The following CREBRF variants were observed in gnomAD, a reference collection of about 807,000 sequenced individuals.
CREBRF encodes the protein CREB3 regulatory factor, also known as UPF0474 protein C5orf41.
In CREBRF, 5 loss-of-function variants were observed where a neutral mutation model predicts 66.1. The ratio of observed to expected loss-of-function variants is 0.08; its 90% confidence interval spans 0.04 to 0.16. The LOEUF is 0.16. CREBRF is among the 10% of genes least tolerant of loss of function. The pLI is 1.00. For synonymous variants in CREBRF, 229 were observed against 264.4 expected (o/e 0.87, Z 1.30); for missense variants, 531 against 744.9 (o/e 0.71, Z 3.34).
chr5:173,085,577 C>T (rs563378320), intron 2 of CREBRF: 23 of 538,262 alleles, frequency 4.3e-5, no homozygotes, highest in South Asian at 2.3e-4. Flanking sequence ...CCAGCACGCC[C>T]GGCTAATTTT....
Position 173,123,213 on chromosome 5 carries a change from T to C in CREBRF, c.1804+11T>C. 6.3e-7 allele frequency: 1 copy of C among 1,591,856 alleles called. No homozygotes were observed. ...TTAAAGATACTCTCGGTAAGAAGAA[T>C]GCGAGATAAATTCATAACAATTAAT... On this transcript the variant is annotated intron_variant, in intron 8 of 8. Coordinates refer to ENST00000296953, the MANE Select transcript of CREBRF (RefSeq NM_153607.3).
rs542242009 is a variant in CREBRF at position 173,096,227 on chromosome 5, T to C, written c.1222+4826T>C. Among the ~76,000 whole-genome samples, 86 of 152,206 alleles carry C rather than the reference T, an allele frequency of 5.7e-4. 1 individual carries two copies. Among genetic ancestry groups the C allele is most frequent in the African/African-American group, 1.7e-3 (71 of 41,554 alleles). On this transcript the variant is annotated intron_variant, in intron 4 of 8. Coordinates refer to ENST00000296953, the MANE Select transcript of CREBRF (RefSeq NM_153607.3). ...CTTGTGATCCGCCCGCCTTGGCCTC[T>C]CAAAGTGCTGGGATTACAGGCGTGA...
chr5:173,091,624 A>T, intron 4 of CREBRF: 1 of 1,230,250 alleles, frequency 8.1e-7, no homozygotes, highest in Middle Eastern at 3.2e-4. Flanking sequence ...TTGAGGGCTT[A>T]TTTTTTATTA....
rs1162160562 is a variant in CREBRF, at chr5:173,135,141, T to C, written c.*1396T>C. 6.6e-6 allele frequency: 1 copy of C among 152,542 alleles called. No individual in the cohort carries two copies. The highest frequency in any genetic ancestry group is 1.5e-5 in the Non-Finnish European group (1 of 67,908). The allele number at this position is 152,542 out of a possible 1,614,324, so 9.4% of individuals were successfully genotyped here. The stretch of plus-strand genomic sequence containing the variant: ...AATTCTTTAGTTGCCACTTTTCCGA[T>C]TGATGTATTATTGTGCATGTAATAT... On this transcript the variant is annotated 3_prime_UTR_variant, in exon 9 of 9. Transcript: ENST00000296953.
At position 173,130,098 on chromosome 5, in the gene CREBRF, C is replaced by T. The variant is rs1581053447; in HGVS notation, c.1805-3532C>T. On this transcript the variant is annotated intron_variant, in intron 8 of 8. Transcript: ENST00000296953. ...TCGGCCTCCCAGAGTGCTGGGATTACAGGCGTGAGCCACCACGCTCGGCCT... is the reference window on the plus strand; with the variant it reads ...TCGGCCTCCCAGAGTGCTGGGATTATAGGCGTGAGCCACCACGCTCGGCCT... 2.6e-5 allele frequency among the ~76,000 whole-genome samples: 4 copies of T among 152,230 alleles called. No individual in the cohort carries two copies. In the South Asian group the frequency reaches 8.3e-4, roughly 31 times the overall value.
chr5:173,061,061 G>A (rs1403245177), intron 1 of CREBRF, among the ~76,000 whole-genome samples: 2 of 152,060 alleles, frequency 1.3e-5, no homozygotes, highest in African/African-American at 2.4e-5. Flanking sequence ...TCCGCCTCCC[G>A]GGTTTAAGCG....
chr5:173,075,403 T>C (rs1007040008), intron 1 of CREBRF, among the ~76,000 whole-genome samples: 1 of 152,198 alleles, frequency 6.6e-6, no homozygotes, highest in Non-Finnish European at 1.5e-5. Context: ...TTAAATGTTT[T>C]GGAGACTTTG....
chr5:173,059,803 A>G (rs1266880114), intron 1 of CREBRF, among the ~76,000 whole-genome samples: 1 of 152,240 alleles, frequency 6.6e-6, no homozygotes, highest in Non-Finnish European at 1.5e-5. Flanking sequence ...TTATTTGGGT[A>G]TAATTCCTTC....
At chr5:173,068,324 A>AT (rs1757494978) in intron 1 of CREBRF, among the ~76,000 whole-genome samples, 1 of 152,150 alleles carries the variant, frequency 6.6e-6, no homozygotes, top group South Asian at 2.1e-4. Flanking sequence ...CACTTGTTTG[A>AT]TTTATCTCAA....
At chr5:173,098,094 A>C (rs1469232667) in intron 4 of CREBRF, among the ~76,000 whole-genome samples, 1 of 143,642 alleles carries the variant, frequency 7.0e-6, no homozygotes, top group Non-Finnish European at 1.5e-5. Context: ...GTCTCAACAT[A>C]TTTTTCTATT....
intron 1 of CREBRF, among the ~76,000 whole-genome samples, chr5:173,078,569 T>C (rs1318514397): frequency 6.6e-6 from 1 of 151,282 alleles, no homozygotes; most frequent in Non-Finnish European, 1.5e-5. Flanking sequence ...TTTTCTTTTT[T>C]TTTTTTTGAG....
intron 2 of CREBRF, among the ~76,000 whole-genome samples, chr5:173,082,162 T>C (rs1051208982): frequency 4.6e-5 from 7 of 151,570 alleles, no homozygotes; most frequent in Non-Finnish European, 1.0e-4. Flanking sequence ...TACAGGCGCC[T>C]GCCACCACGC....
intron 4 of CREBRF, among the ~76,000 whole-genome samples, chr5:173,096,083 C>T (rs1341224678): frequency 2.0e-5 from 3 of 152,312 alleles, no homozygotes; most frequent in Middle Eastern, 6.8e-3. Flanking sequence ...ATTCTCCTGC[C>T]TCAGCCTCCT....
At chr5:173,058,835 G>GCC (rs1469600857) in intron 1 of CREBRF, among the ~76,000 whole-genome samples, 1 of 120,094 alleles carries the variant, frequency 8.3e-6, no homozygotes, top group Non-Finnish European at 1.6e-5. Context: ...TCCGTCTGTC[G>GCC]CCCAGGCTGG....
rs70984942 is a variant in CREBRF at position 173,120,683 on chromosome 5, C to CTTTT, written c.1682-2371_1682-2368dup. On this transcript the variant is annotated intron_variant, in intron 7 of 8. Coordinates refer to ENST00000296953, the MANE Select transcript of CREBRF (RefSeq NM_153607.3). ...GATGTGAGCCACCGTGCCTGAGCCT[C>CTTTT]TTTTTTTTTTTTTTTTTTTTTTTTT... Among the ~76,000 whole-genome samples, 7 of 51,284 alleles carry CTTTT rather than the reference C, an allele frequency of 1.4e-4. 1 individual carries two copies. Among genetic ancestry groups the CTTTT allele is most frequent in the Non-Finnish European group, 1.9e-4 (5 of 26,308 alleles). The allele number at this position is 51,284 out of a possible 152,430, so 33.6% of individuals were successfully genotyped here. A position where few individuals can be genotyped will look rare whatever the true frequency, so the allele number is the denominator to read the frequency against.
At chr5:173,124,861 G>A (rs565527077) in intron 8 of CREBRF, among the ~76,000 whole-genome samples, 2 of 148,960 alleles carry the variant, frequency 1.3e-5, no homozygotes, top group Non-Finnish European at 3.0e-5. Flanking sequence ...TTTAGTATTC[G>A]TCTGTCTTTC....
chr5:173,068,964 C>T (rs554530561), intron 1 of CREBRF, among the ~76,000 whole-genome samples: 4 of 151,784 alleles, frequency 2.6e-5, no homozygotes, highest in African/African-American at 7.2e-5. Context: ...CCCAGCTACT[C>T]AGGAGGCTGA....
intron 4 of CREBRF, among the ~76,000 whole-genome samples, chr5:173,100,971 T>C (rs1057180191): frequency 6.6e-6 from 1 of 152,164 alleles, no homozygotes; most frequent in Non-Finnish European, 1.5e-5. Context: ...CTGATGTGCA[T>C]CATCATGCCC....
At chr5:173,127,207 G>C (rs1375342306) in intron 8 of CREBRF, among the ~76,000 whole-genome samples, 9 of 142,874 alleles carry the variant, frequency 6.3e-5, no homozygotes, top group Admixed American at 5.1e-4. Flanking sequence ...CTGTCACCCA[G>C]GCTAGAGTGC....
Sources: allele counts gnomAD v4.1 joint callset (sites outside exome capture counted in the v4.1 genomes callset), GRCh38; gene constraint gnomAD v4.1.1; transcripts MANE v1.5; gene names NCBI Gene and HGNC (gene_info 2026-07-23, HGNC 2026-07-21).